Variants in CACNA1S observed in about 807,000 individuals in gnomAD.
CACNA1S encodes voltage-dependent L-type calcium channel subunit alpha-1S.
A neutral mutation model predicts 207.4 loss-of-function variants in CACNA1S; 126 were observed. The observed-to-expected ratio is 0.61, with a 90% confidence interval of 0.53 to 0.70. The LOEUF is 0.70. Among genes scored for constraint, CACNA1S ranks in the 30% least tolerant of loss-of-function variants. The probability of loss-of-function intolerance (pLI) is 0.00; values close to 1 mark genes in which losing one functional copy is unlikely to be tolerated. For missense variants in CACNA1S, 2,349 were observed against 2,422.8 expected, an observed-to-expected ratio of 0.97 and a Z score of 0.64; for synonymous variants, 960 against 932.7, an observed-to-expected ratio of 1.03 and a Z score of -0.53.
intron 7 of CACNA1S, among the ~76,000 whole-genome samples, chr1:201,086,466 G>C (rs2102156128): frequency 6.6e-6 from 1 of 152,326 alleles, no homozygotes; most frequent in Non-Finnish European, 1.5e-5. Flanking sequence ...ACCTAGATGG[G>C]AGAGCCGACT....
At position 201,050,460 on chromosome 1, in the gene CACNA1S, G is replaced by C. The variant is rs371849585; in HGVS notation, c.4170C>G (p.Asp1390Glu). Residue 1390 changes from aspartate (D) to glutamate (E), a missense_variant, in exon 34 of 44, where the codon GAC becomes GAG. Asp to Glu is a conservative substitution (Grantham distance 45). Coordinates refer to ENST00000362061, the MANE Select transcript of CACNA1S (RefSeq NM_000069.3). Reference sequence around the variant, plus strand: ...GGTGATGAGGGCCCAGGATGGACCAGTCCCGGGTGAGGTAGTCAAAATTGT... The same window carrying C: ...GGTGATGAGGGCCCAGGATGGACCACTCCCGGGTGAGGTAGTCAAAATTGT... The part of the protein sequence containing the change: ...IMDNFDYLTR[D>E]WSILGPHHLD... 5.0e-5 allele frequency: 80 copies of C among 1,614,002 alleles called. No homozygotes were observed. The highest frequency in any genetic ancestry group is 4.9e-4 in the Middle Eastern group (3 of 6,082).
intron 9 of CACNA1S, 104 bp from the exon 10 acceptor site, chr1:201,083,426 C>T: frequency 8.7e-7 from 1 of 1,149,106 alleles, no homozygotes; most frequent in Non-Finnish European, 1.3e-6. Context: ...CCTGACCACC[C>T]CACTTCCGCC....
At position 201,062,050 on chromosome 1, in the gene CACNA1S, T is replaced by G; in HGVS notation, c.2947A>C (p.Ile983Leu). Residue 983 changes from isoleucine (I) to leucine (L), a missense_variant, in exon 24 of 44, where the codon ATA (isoleucine) becomes CTA (leucine). Physicochemically the swap from Ile to Leu is conservative, Grantham distance 5. Transcript: ENST00000362061. ...ACCCACTCGCGGTGACGCAGCTCTA[T>G]CTGCATGGGGTCCCCGTCCTTGTAC... ...YVYKDGDPMQ[I>L]ELRHREWVHS... 6.2e-7 allele frequency: 1 copy of G among 1,614,114 alleles called. No homozygotes were observed. The highest frequency in any genetic ancestry group is 8.5e-7 in the Non-Finnish European group (1 of 1,179,986).
chr1:201,060,502 C>T (rs758332426), intron 26 of CACNA1S, among the ~76,000 whole-genome samples, 156 bp downstream of exon 26: 78 of 152,274 alleles, frequency 5.1e-4, no homozygotes, highest in Non-Finnish European at 8.4e-4. Context: ...AAGGCCTGTG[C>T]GCAGTTCACT....
chr1:201,079,485 T>C (rs6667959), intron 10 of CACNA1S, among the ~76,000 whole-genome samples: 14,798 of 151,784 alleles, frequency 0.097, 883 homozygotes, highest in Middle Eastern at 0.19. Context: ...CTCTGTATTT[T>C]CCTAAGCCTC....
chr1:201,080,257 C>CA (rs1157772964), intron 10 of CACNA1S, among the ~76,000 whole-genome samples: 1 of 152,166 alleles, frequency 6.6e-6, no homozygotes, highest in Non-Finnish European at 1.5e-5. Flanking sequence ...ATGCCCAAGA[C>CA]AAAGCTCAGG....
intron 24 of CACNA1S, 22 bp downstream of exon 24, chr1:201,061,922 C>T: frequency 1.2e-6 from 2 of 1,613,964 alleles, no homozygotes; most frequent in Non-Finnish European, 1.7e-6. Flanking sequence ...CATGAGGGAC[C>T]TAGGCCCCAG....
At chr1:201,069,769 G>A (rs1021718225) in intron 17 of CACNA1S, among the ~76,000 whole-genome samples, 168 bp from the exon 18 acceptor site, 1 of 152,090 alleles carries the variant, frequency 6.6e-6, no homozygotes. Context: ...CACACAGGGG[G>A]CCCTGACCTC....
chr1:201,077,955 C>T lies in CACNA1S; in HGVS notation c.1543G>A (p.Glu515Lys), dbSNP rs756252129. Residue 515 changes from glutamate (E) to lysine (K), a missense_variant, in exon 11 of 44, where the codon GAG becomes AAG. Transcript: ENST00000362061. Reference sequence around the variant, plus strand: ...CCCAGGGGTGTCATGGCACCCGACTCCACCAGCAGGATCTCCAGGATACCG... The same window carrying T: ...CCCAGGGGTGTCATGGCACCCGACTTCACCAGCAGGATCTCCAGGATACCG... The part of the protein sequence containing the change: ...CSGILEILLV[E>K]SGAMTPLGIS... 1 of 1,614,174 alleles carries T rather than the reference C, an allele frequency of 6.2e-7. No individual in the cohort carries two copies. The highest frequency in any genetic ancestry group is 8.5e-7 in the Non-Finnish European group (1 of 1,179,986).
intron 1 of CACNA1S, among the ~76,000 whole-genome samples, chr1:201,111,282 C>T (rs1030325743): frequency 2.6e-5 from 4 of 152,100 alleles, no homozygotes; most frequent in African/African-American, 9.7e-5. Flanking sequence ...CTCCTTCCTT[C>T]TAGGGAACAG....
rs768251314 is a variant in CACNA1S, at chr1:201,089,423, G to A, written c.735C>T (p.Cys245=). ...ATVENEEPSP[C]ARTGSGRRCT... is the part of the protein sequence containing the mutation. Reference sequence around the variant, plus strand: ...ACCGGCGCCCTGAGCCCGTCCTGGCGCAGGGCGATGGCTCTTCATTCTCCA... The same window carrying A: ...ACCGGCGCCCTGAGCCCGTCCTGGCACAGGGCGATGGCTCTTCATTCTCCA... Residue 245 remains cysteine, a synonymous_variant, in exon 6 of 44, where the codon TGC becomes TGT. Transcript: ENST00000362061. 34 of 1,614,018 alleles carry A rather than the reference G, an allele frequency of 2.1e-5. No homozygotes were observed. Among genetic ancestry groups the A allele is most frequent in the South Asian group, 8.8e-5 (8 of 91,078 alleles).
chr1:201,102,675 G>A (rs1662722636), intron 2 of CACNA1S, among the ~76,000 whole-genome samples: 1 of 152,198 alleles, frequency 6.6e-6, no homozygotes, highest in Admixed American at 6.5e-5. Context: ...TTACAGATGA[G>A]GAAGCCAAAG....
Position 201,077,043 on chromosome 1 carries a change from G to A in CACNA1S, c.1704C>T (p.Leu568=). The part of the protein sequence containing the change: ...SIASLLLLLF[L]FIVIFALLGM... ...CCAGGAGGGCGAAGATGACGATGAAGAGGAAGAGCAGCAGCAGCAGGGAGG... is the reference window on the plus strand; with the variant it reads ...CCAGGAGGGCGAAGATGACGATGAAAAGGAAGAGCAGCAGCAGCAGGGAGG... The change falls in exon 12 of 44, where the codon CTC becomes CTT. Residue 568 remains leucine, a synonymous_variant. Coordinates refer to ENST00000362061, the MANE Select transcript of CACNA1S (RefSeq NM_000069.3). 6.2e-7 allele frequency: 1 copy of A among 1,614,210 alleles called. No homozygotes were observed. The highest frequency in any genetic ancestry group is 8.5e-7 in the Non-Finnish European group (1 of 1,180,042).
At chr1:201,072,100 C>T (rs1288623681) in intron 16 of CACNA1S, among the ~76,000 whole-genome samples, 1 of 152,158 alleles carries the variant, frequency 6.6e-6, no homozygotes, top group Non-Finnish European at 1.5e-5. Flanking sequence ...AGTTCTTGGG[C>T]CCCAGGGCTC....
Position 201,083,478 on chromosome 1 carries a change from A to T in CACNA1S, c.1233-156T>A, listed in dbSNP as rs528111597. Among the ~76,000 whole-genome samples, 3 of 152,360 alleles carry T rather than the reference A, an allele frequency of 2.0e-5. No homozygotes were observed. In the South Asian group the frequency reaches 6.2e-4, roughly 32 times the overall value. The stretch of plus-strand genomic sequence containing the variant: ...CTCAGGGCATGAGCTAGGGAGCCAG[A>T]CTGAGTAAAATCCTCCATCTTTCAC... On this transcript the variant is annotated intron_variant, in intron 9 of 43. Coordinates refer to ENST00000362061, the MANE Select transcript of CACNA1S (RefSeq NM_000069.3).
chr1:201,088,173 C>T (rs1662101378), intron 6 of CACNA1S, among the ~76,000 whole-genome samples: 1 of 152,210 alleles, frequency 6.6e-6, no homozygotes, highest in Non-Finnish European at 1.5e-5. Flanking sequence ...CCGGGCAAGA[C>T]TGACCTAATT....
intron 9 of CACNA1S, among the ~76,000 whole-genome samples, chr1:201,084,395 G>A (rs1661956907): frequency 6.6e-6 from 1 of 152,184 alleles, no homozygotes; most frequent in Non-Finnish European, 1.5e-5. Context: ...GGGCACTGGA[G>A]ACCTTCATCT....
At chr1:201,097,790 G>A (rs936667843) in intron 2 of CACNA1S, among the ~76,000 whole-genome samples, 5 of 152,116 alleles carry the variant, frequency 3.3e-5, no homozygotes, top group South Asian at 2.1e-4. Context: ...GTGAGGGGAG[G>A]TTTTATGGCT....
rs73081023 is a variant in CACNA1S, at chr1:201,112,132, C to T, written c.152+56G>A. Reference sequence around the variant, plus strand: ...GGAAGTTTGTGCTCTGTGATCACCCCGAATCCCTCCCTCATGACGCACACC... The same window carrying T: ...GGAAGTTTGTGCTCTGTGATCACCCTGAATCCCTCCCTCATGACGCACACC... On this transcript the variant is annotated intron_variant, in intron 1 of 43. Transcript: ENST00000362061. The T allele has an allele frequency of 0.011, 16,864 of 1,564,850 alleles. 729 individuals carry two copies. The African/African-American group carries it at 0.11, about 10-fold the overall frequency.
Sources: gnomAD v4.1 joint callset for allele counts (sites outside exome capture counted in the v4.1 genomes callset) on GRCh38, gnomAD v4.1.1 for gene constraint, MANE v1.5 for transcripts, NCBI Gene and HGNC (gene_info 2026-07-23, HGNC 2026-07-21) for gene names.